Variants in SPMAP2 observed in about 807,000 individuals in gnomAD.
SPMAP2 encodes Theg homolog.
chr19:367,790 C>T, the SPMAP2 span, among the ~76,000 whole-genome samples: 48 of 151,954 alleles, frequency 3.2e-4, no homozygotes, highest in South Asian at 2.3e-3. Flanking sequence ...CGGAAGGAGC[C>T]GGGCGCCCGG....
the SPMAP2 span, among the ~76,000 whole-genome samples, chr19:371,641 C>T: frequency 2.6e-5 from 4 of 152,180 alleles, no homozygotes; most frequent in Non-Finnish European, 5.9e-5. Context: ...CCATTCCCTT[C>T]TGGGACGGCA....
chr19:373,404 C>A, the SPMAP2 span: 1 of 1,493,160 alleles, frequency 6.7e-7, no homozygotes, highest in Non-Finnish European at 9.3e-7. Flanking sequence ...CTAGATGGGG[C>A]GGGGCAGGTT....
At chr19:373,488 G>C in the SPMAP2 span, 4 of 1,613,400 alleles carry the variant, frequency 2.5e-6, no homozygotes, top group Non-Finnish European at 3.4e-6. Context: ...GTGATGGTGA[G>C]GGTGGTGTCC....
the SPMAP2 span, chr19:374,309 G>A: frequency 6.2e-7 from 1 of 1,613,948 alleles, no homozygotes; most frequent in African/African-American, 1.3e-5. Flanking sequence ...CTGTCTTTCA[G>A]GACTTGCCAG....
the SPMAP2 span, chr19:373,886 A>G: frequency 1.3e-6 from 2 of 1,553,652 alleles, no homozygotes; most frequent in Admixed American, 3.5e-5. Context: ...GTCCCCTGGA[A>G]CCTGACACGT....
chr19:371,238 A>C, the SPMAP2 span: 3 of 1,503,040 alleles, frequency 2.0e-6, no homozygotes, highest in Non-Finnish European at 2.7e-6. Flanking sequence ...AGTTATCACG[A>C]ATCTTCGGGG....
the SPMAP2 span, chr19:373,347 G>A: frequency 1.1e-6 from 1 of 876,696 alleles, no homozygotes; most frequent in East Asian, 2.6e-5. Context: ...ACTCCAGTGG[G>A]GAGGACAGAG....
chr19:374,236 G>A, the SPMAP2 span: 4 of 1,595,186 alleles, frequency 2.5e-6, no homozygotes, highest in East Asian at 4.5e-5. Context: ...GAGGAGCCCG[G>A]GAAGGGTGCA....
the SPMAP2 span, chr19:371,369 G>GGTGTGTGTGT: frequency 9.4e-6 from 8 of 851,086 alleles, no homozygotes; most frequent in African/African-American, 6.0e-5. Flanking sequence ...CGGGGGTGGG[G>GGTGTGTGTGT]GTGTGTGTGT....
At chr19:375,584 G>T in the SPMAP2 span, 1 of 1,402,664 alleles carries the variant, frequency 7.1e-7, no homozygotes, top group Non-Finnish European at 9.5e-7. Flanking sequence ...CCCGCCCAGG[G>T]GGCTGCTGCC....
the SPMAP2 span, chr19:374,141 A>G: frequency 6.9e-7 from 1 of 1,454,884 alleles, no homozygotes; most frequent in Non-Finnish European, 9.5e-7. Flanking sequence ...GTGTCTGGCC[A>G]CCTCCTTAAC....
At chr19:375,622 T>C in the SPMAP2 span, 16 of 1,514,096 alleles carry the variant, frequency 1.1e-5, no homozygotes, top group Non-Finnish European at 1.3e-5. Context: ...GGCTGAGCCC[T>C]ACCCCACCGC....
the SPMAP2 span, among the ~76,000 whole-genome samples, chr19:369,526 C>T: frequency 0.16 from 24,949 of 151,356 alleles, 4,662 homozygotes; most frequent in African/African-American, 0.46. Flanking sequence ...GAATGCAAGA[C>T]GGTGGCCAAG....
At chr19:371,367 GGGGTGTGTGTGTGT>G in the SPMAP2 span, 2 of 718,860 alleles carry the variant, frequency 2.8e-6, no homozygotes, top group Non-Finnish European at 4.1e-6. Flanking sequence ...GCCGGGGGTG[GGGGTGTGTGTGTGT>G]GTGTGTGTGT....
chr19:374,490 G>A, the SPMAP2 span: 2 of 1,603,072 alleles, frequency 1.2e-6, no homozygotes, highest in Non-Finnish European at 1.7e-6. Context: ...GCCCAGAGAA[G>A]CGTGGGTCTT....
At chr19:369,339 A>G in the SPMAP2 span, among the ~76,000 whole-genome samples, 46 of 151,696 alleles carry the variant, frequency 3.0e-4, no homozygotes, top group African/African-American at 9.7e-4. Context: ...CCTGAGCTCA[A>G]TCCCCGCCCG....
the SPMAP2 span, chr19:362,212 C>G: frequency 1.3e-6 from 2 of 1,547,488 alleles, no homozygotes. Flanking sequence ...AGAGGCCAGG[C>G]CTGGGTTGAT....
chr19:374,630 GA>G, the SPMAP2 span: 1 of 614,692 alleles, frequency 1.6e-6, no homozygotes, highest in South Asian at 2.1e-5. Flanking sequence ...CTGGATGGAA[GA>G]CCCGTCCAGG....
chr19:372,977 A>T, the SPMAP2 span, among the ~76,000 whole-genome samples: 1 of 152,186 alleles, frequency 6.6e-6, no homozygotes, highest in Non-Finnish European at 1.5e-5. Flanking sequence ...TGGCTCCTCA[A>T]CGGGGCTCAA....
Sources: gnomAD v4.1 joint callset for allele counts (sites outside exome capture counted in the v4.1 genomes callset) on GRCh38, gnomAD v4.1.1 for gene constraint, MANE v1.5 for transcripts, NCBI Gene and HGNC (gene_info 2026-07-23, HGNC 2026-07-21) for gene names.